The following PKHD1 variants were observed in gnomAD, a reference collection of about 807,000 sequenced individuals.
The protein encoded by PKHD1 is fibrocystin.
PKHD1 carries 291 observed loss-of-function variants against 412.0 expected under a neutral mutation model. The ratio of observed to expected loss-of-function variants is 0.71; its 90% CI spans 0.64 to 0.78. PKHD1 has a LOEUF of 0.78. Among genes scored for constraint, PKHD1 ranks in the 30% least tolerant of loss-of-function variants. The pLI is 0.00. For missense variants in PKHD1, 4,825 were observed against 4,950.7 expected, an observed-to-expected ratio of 0.97 and a Z score of 0.76; for synonymous variants, 1,777 against 1,821.5, an observed-to-expected ratio of 0.98 and a Z score of 0.62.
At position 51,909,311 on chromosome 6, in the gene PKHD1, G is replaced by A; in HGVS notation, c.6654C>T (p.Ser2218=). The A allele has an allele frequency of 6.2e-7, 1 of 1,613,426 alleles. No homozygotes were observed. The highest frequency in any genetic ancestry group is 8.5e-7 in the Non-Finnish European group (1 of 1,179,560). ...VLGQAFHKHL[S]SLTLVGAMRE... ...TCATAGCTCCCACCAGAGTGAGTGA[G>A]CTCAGATGCTTATGGAAGGCTTGCC... The change falls in exon 40 of 67, where the codon AGC becomes AGT. Residue 2218 remains serine, a synonymous_variant. Coordinates refer to ENST00000371117, the MANE Select transcript of PKHD1 (RefSeq NM_138694.4).
chr6:52,034,146 A>G (rs1031503068), intron 28 of PKHD1, among the ~76,000 whole-genome samples: 2 of 149,700 alleles, frequency 1.3e-5, no homozygotes, highest in South Asian at 2.1e-4. Context: ...CAAACAAAAG[A>G]CATGTTTAGA....
intron 61 of PKHD1, among the ~76,000 whole-genome samples, chr6:51,653,039 A>G (rs1157217267): frequency 6.6e-6 from 1 of 152,168 alleles, no homozygotes; most frequent in Admixed American, 6.6e-5. Flanking sequence ...TATTATGTTT[A>G]TATACAGGGA....
chr6:51,898,364 T>C (rs1461318256), intron 43 of PKHD1, among the ~76,000 whole-genome samples: 2 of 148,636 alleles, frequency 1.3e-5, no homozygotes, highest in Non-Finnish European at 3.0e-5. Context: ...AGAATCTCAC[T>C]CAAAACCACT....
In PKHD1 at chr6:52,048,539, G is replaced by C. The variant is rs2128192840; in HGVS notation, c.2360C>G (p.Pro787Arg). The C allele has an allele frequency of 6.2e-7, 1 of 1,614,122 alleles. No individual in the cohort carries two copies. Among genetic ancestry groups the C allele is most frequent in the Non-Finnish European group, 8.5e-7 (1 of 1,179,956 alleles). ...CTGGATGCGAAAGTGTCCTCCTAGAGGTGGACTTGTCCGCTGTCGTCTCTG... is the reference window on the plus strand; with the variant it reads ...CTGGATGCGAAAGTGTCCTCCTAGACGTGGACTTGTCCGCTGTCGTCTCTG... ...TTQRRQRTSP[P>R]LGGHFRIQLP... The change falls in exon 23 of 67, where the codon CCT becomes CGT. Residue 787 changes from proline to arginine, a missense_variant. By Grantham distance (103) the Pro-to-Arg change is moderately radical. Transcript: ENST00000371117.
rs537521323 is a variant in PKHD1 at position 51,693,367 on chromosome 6, G to C, written c.10157-33398C>G. On this transcript the variant is annotated intron_variant, in intron 60 of 66. Transcript: ENST00000371117. ...GACTTAAGAGACCCAGAAAACAAAT[G>C]GCTTATGTATGCCTTATTATACAGG... Among the ~76,000 whole-genome samples the C allele has an allele frequency of 1.4e-4, 21 of 152,210 alleles. No homozygotes were observed. The East Asian group carries it at 3.3e-3, about 24-fold the overall frequency.
chr6:51,837,444 T>G (rs915948069), intron 50 of PKHD1, among the ~76,000 whole-genome samples: 2 of 152,142 alleles, frequency 1.3e-5, no homozygotes, highest in Non-Finnish European at 2.9e-5. Context: ...CTGTGGCTCA[T>G]GCCTGTAATC....
At chr6:51,948,479 A>G (rs185147286) in intron 36 of PKHD1, among the ~76,000 whole-genome samples, 109 of 152,082 alleles carry the variant, frequency 7.2e-4, no homozygotes, top group Non-Finnish European at 1.3e-3. Flanking sequence ...CTCCTGCTGC[A>G]TTTTTCTCCA....
chr6:51,995,916 A>C (rs1290042959), intron 35 of PKHD1, among the ~76,000 whole-genome samples: 1 of 152,236 alleles, frequency 6.6e-6, no homozygotes, highest in Non-Finnish European at 1.5e-5. Context: ...TCTCAAAACA[A>C]TCATCTGAAA....
chr6:51,636,125 G>T (rs1768538627), intron 64 of PKHD1, among the ~76,000 whole-genome samples: 1 of 152,142 alleles, frequency 6.6e-6, no homozygotes, highest in African/African-American at 2.4e-5. Context: ...TAATATGTCA[G>T]ACCTAAGAGG....
rs949511567 is a variant in PKHD1 at position 51,909,327 on chromosome 6, A to C, written c.6638T>G (p.Phe2213Cys). 5 of 1,613,370 alleles carry C rather than the reference A, an allele frequency of 3.1e-6. No individual in the cohort carries two copies. The highest frequency in any genetic ancestry group is 3.3e-5 in the Admixed American group (2 of 59,908). Residue 2213 changes from phenylalanine to cysteine, a missense_variant, in exon 40 of 67, where the codon TTC becomes TGC. Phe to Cys is a radical substitution (Grantham distance 205). Coordinates refer to ENST00000371117, the MANE Select transcript of PKHD1 (RefSeq NM_138694.4). Reference sequence around the variant, plus strand: ...AGTGAGTGAGCTCAGATGCTTATGGAAGGCTTGCCCCAAGACTTGAAACTG... The same window carrying C: ...AGTGAGTGAGCTCAGATGCTTATGGCAGGCTTGCCCCAAGACTTGAAACTG... ...GVQFQVLGQA[F>C]HKHLSSLTLV...
intron 37 of PKHD1, among the ~76,000 whole-genome samples, chr6:51,933,391 G>T (rs1009889939): frequency 2.0e-4 from 31 of 152,172 alleles, no homozygotes; most frequent in African/African-American, 7.0e-4. Flanking sequence ...CTGCTCATGG[G>T]GTAGAGGGTT....
rs1282321789 is a variant in PKHD1, at chr6:51,981,333, C to A, written c.5752-21307G>T. 2.0e-3 allele frequency among the ~76,000 whole-genome samples: 104 copies of A among 51,910 alleles called. 3 individuals carry two copies. Among genetic ancestry groups the A allele is most frequent in the African/African-American group, 6.1e-3 (104 of 17,018 alleles). 34.1% of individuals were successfully genotyped at this position (51,910 alleles called of 152,430 possible). A position where few individuals can be genotyped will look rare whatever the true frequency, so the allele number is the denominator to read the frequency against. On this transcript the variant is annotated intron_variant, in intron 35 of 66. Coordinates refer to ENST00000371117, the MANE Select transcript of PKHD1 (RefSeq NM_138694.4). The stretch of plus-strand genomic sequence containing the variant: ...AAGCTCTCCCTCTCCCTCTCCCTCT[C>A]CCTCTCCCTCTCCCTCTCCCTCTCC...
In PKHD1 at chr6:52,072,175, T is replaced by C. The variant is rs1810713158; in HGVS notation, c.542A>G (p.Glu181Gly). The change falls in exon 8 of 67, where the codon GAA becomes GGA. Residue 181 changes from glutamate (E) to glycine (G), a missense_variant. Physicochemically the swap from Glu to Gly is moderately conservative, Grantham distance 98. Coordinates refer to ENST00000371117, the MANE Select transcript of PKHD1 (RefSeq NM_138694.4). ...AEYIDSPVIL[E>G]AQGDKWVTPC... Reference sequence around the variant, plus strand: ...AGTAACCCATTTGTCTCCTTGAGCTTCCAAGATCACTGGGCTGGATTTAAA... The same window carrying C: ...AGTAACCCATTTGTCTCCTTGAGCTCCCAAGATCACTGGGCTGGATTTAAA... 1 of 1,606,216 alleles carries C rather than the reference T, an allele frequency of 6.2e-7. No homozygotes were observed. The highest frequency in any genetic ancestry group is 8.5e-7 in the Non-Finnish European group (1 of 1,173,092).
At chr6:51,682,316 A>G (rs1367739008) in intron 60 of PKHD1, 1 of 438,612 alleles carries the variant, frequency 2.3e-6, no homozygotes, top group Non-Finnish European at 4.6e-6. Context: ...TTATCATAAT[A>G]TTCACTTTTT....
intron 29 of PKHD1, among the ~76,000 whole-genome samples, chr6:52,031,635 A>T (rs997942582): frequency 3.3e-5 from 5 of 152,088 alleles, no homozygotes; most frequent in African/African-American, 1.2e-4. Context: ...CATCAAATTC[A>T]CCAGCACTCC....
chr6:52,021,905 T>G (rs1357935488), intron 33 of PKHD1, among the ~76,000 whole-genome samples: 3 of 152,156 alleles, frequency 2.0e-5, no homozygotes, highest in African/African-American at 4.8e-5. Context: ...TTAGCCCACA[T>G]TCAAGTTGCA....
At chr6:51,894,874 T>A (rs929040978) in intron 43 of PKHD1, among the ~76,000 whole-genome samples, 2 of 152,238 alleles carry the variant, frequency 1.3e-5, no homozygotes, top group Admixed American at 6.5e-5. Context: ...GGGAGCTAGA[T>A]GAAGAGCACA....
chr6:51,959,041 C>T (rs1791595156), intron 36 of PKHD1, among the ~76,000 whole-genome samples: 1 of 152,076 alleles, frequency 6.6e-6, no homozygotes, highest in African/African-American at 2.4e-5. Context: ...ATTAGTTTAT[C>T]CTCTTTAAAA....
In PKHD1 at chr6:51,801,968, T is replaced by A. The variant is rs182458323; in HGVS notation, c.8303-10595A>T. The stretch of plus-strand genomic sequence containing the variant: ...TGAATCTATTTAATAGGAAGGTTTT[T>A]AAGTAAAATTACCAACTGTATCAGA... On this transcript the variant is annotated intron_variant, in intron 52 of 66. Transcript: ENST00000371117. Among the ~76,000 whole-genome samples, 85 of 152,336 alleles carry A rather than the reference T, an allele frequency of 5.6e-4. 3 individuals are homozygous for A. The highest frequency in any genetic ancestry group is 1.2e-3 in the Non-Finnish European group (85 of 68,034).
Sources: gnomAD v4.1 joint callset for allele counts (sites outside exome capture counted in the v4.1 genomes callset) on GRCh38, gnomAD v4.1.1 for gene constraint, MANE v1.5 for transcripts, NCBI Gene and HGNC (gene_info 2026-07-23, HGNC 2026-07-21) for gene names.